Variants in HS2ST1 observed in about 807,000 individuals in gnomAD.
HS2ST1 encodes heparan sulfate 2-O-sulfotransferase 1.
In HS2ST1, 18 loss-of-function variants were observed where a neutral mutation model predicts 42.9. The ratio of observed to expected loss-of-function variants is 0.42; its 90% confidence interval spans 0.29 to 0.62. HS2ST1 has a LOEUF of 0.62. Ranked by LOEUF, HS2ST1 falls within the 20% of genes least tolerant of loss-of-function variation. The pLI is 0.21. For synonymous variants in HS2ST1, 146 were observed against 152.9 expected (o/e 0.95, Z 0.33); for missense variants, 334 against 433.8 (o/e 0.77, Z 2.04).
intron 1 of HS2ST1, among the ~76,000 whole-genome samples, chr1:86,925,637 A>G (rs138616302): frequency 3.3e-5 from 5 of 152,326 alleles, no homozygotes; most frequent in East Asian, 1.9e-4. Flanking sequence ...CTTATTCACT[A>G]TCATGAGAAC....
chr1:86,922,300 A>T (rs1229702077), intron 1 of HS2ST1, among the ~76,000 whole-genome samples: 1 of 151,734 alleles, frequency 6.6e-6, no homozygotes, highest in African/African-American at 2.4e-5. Context: ...TTACTTCTAT[A>T]CATGAGTCCT....
At chr1:87,055,363 C>A (rs552882905) in intron 1 of HS2ST1, among the ~76,000 whole-genome samples, 1 of 152,252 alleles carries the variant, frequency 6.6e-6, no homozygotes, top group Non-Finnish European at 1.5e-5. Flanking sequence ...GAGACAGTAC[C>A]TTAGCCACTT....
chr1:87,013,160 T>C (rs780684685), intron 1 of HS2ST1, among the ~76,000 whole-genome samples: 2 of 152,222 alleles, frequency 1.3e-5, no homozygotes, highest in Non-Finnish European at 2.9e-5. Flanking sequence ...GGACTCTGTA[T>C]AGGGGCTCCC....
At chr1:87,037,853 T>C (rs1455892735) in intron 1 of HS2ST1, among the ~76,000 whole-genome samples, 1 of 152,050 alleles carries the variant, frequency 6.6e-6, no homozygotes, top group Admixed American at 6.6e-5. Context: ...TTTTAACTGC[T>C]ATGTAGCATA....
At chr1:87,098,228 T>TG in intron 5 of HS2ST1, 1 of 93,724 alleles carries the variant, frequency 1.1e-5, no homozygotes, top group Non-Finnish European at 1.3e-5. Context: ...AGACTGGGGG[T>TG]GGGGGTGGGT....
chr1:86,959,013 A>C (rs1004564848), intron 1 of HS2ST1, among the ~76,000 whole-genome samples: 2 of 152,232 alleles, frequency 1.3e-5, no homozygotes, highest in African/African-American at 4.8e-5. Flanking sequence ...TAGATGCAGA[A>C]AAAGCATTTG....
chr1:87,007,929 C>CT (rs1242172892), intron 1 of HS2ST1, among the ~76,000 whole-genome samples: 1 of 152,044 alleles, frequency 6.6e-6, no homozygotes, highest in Non-Finnish European at 1.5e-5. Flanking sequence ...TGGTAAAAAT[C>CT]TATCTTCTTA....
Position 86,915,161 on chromosome 1 carries a change from G to A in HS2ST1, c.124+1G>A. 6.2e-7 allele frequency: 1 copy of A among 1,612,948 alleles called. No individual in the cohort carries two copies. The highest frequency in any genetic ancestry group is 8.5e-7 in the Non-Finnish European group (1 of 1,179,272). On this transcript the variant is annotated splice_donor_variant, in intron 1 of 6. Transcript: ENST00000370550. LOFTEE classifies it high-confidence loss of function. Reference sequence around the variant, plus strand: ...CTGGAGGAGTCCCGCTCGAAGCTAGGTGAGGAACTGAACTGCCCCGGGCTG... The same window carrying A: ...CTGGAGGAGTCCCGCTCGAAGCTAGATGAGGAACTGAACTGCCCCGGGCTG...
intron 1 of HS2ST1, among the ~76,000 whole-genome samples, chr1:86,982,383 T>C (rs1000895177): frequency 1.3e-4 from 20 of 152,214 alleles, no homozygotes; most frequent in South Asian, 2.1e-4. Flanking sequence ...AAAATGACTT[T>C]TTCTTTTCTA....
chr1:87,086,318 C>T (rs988206517), intron 3 of HS2ST1, among the ~76,000 whole-genome samples: 2 of 152,026 alleles, frequency 1.3e-5, no homozygotes, highest in Non-Finnish European at 2.9e-5. Flanking sequence ...ACGGGTTTCA[C>T]ATCTCTCAAG....
intron 1 of HS2ST1, among the ~76,000 whole-genome samples, chr1:87,033,834 GC>G (rs1158811927): frequency 1.2e-4 from 19 of 152,244 alleles, no homozygotes; most frequent in Middle Eastern, 3.4e-3. Flanking sequence ...GTGAGCCACC[GC>G]CCCCGGCCTT....
chr1:87,004,395 CA>C (rs1238567484), intron 1 of HS2ST1, among the ~76,000 whole-genome samples: 2 of 152,038 alleles, frequency 1.3e-5, no homozygotes, highest in Admixed American at 6.6e-5. Flanking sequence ...TGTCTCAAAA[CA>C]AATGAACAAA....
At chr1:87,058,453 T>G (rs1054200944) in intron 1 of HS2ST1, among the ~76,000 whole-genome samples, 5 of 149,932 alleles carry the variant, frequency 3.3e-5, no homozygotes, top group African/African-American at 7.4e-5. Flanking sequence ...TTTTGTTTTG[T>G]TTTTTTTTAA....
At chr1:87,001,011 A>G (rs1040359908) in intron 1 of HS2ST1, among the ~76,000 whole-genome samples, 10 of 152,222 alleles carry the variant, frequency 6.6e-5, no homozygotes, top group African/African-American at 2.2e-4. Flanking sequence ...CAGAAGCTTC[A>G]TCTTAAGTAT....
At chr1:86,927,121 C>T (rs747593493) in intron 1 of HS2ST1, among the ~76,000 whole-genome samples, 1 of 152,112 alleles carries the variant, frequency 6.6e-6, no homozygotes, top group African/African-American at 2.4e-5. Context: ...ATAAATAGTT[C>T]TGTTCAGAGG....
At chr1:87,065,909 A>G (rs1421886817) in intron 1 of HS2ST1, among the ~76,000 whole-genome samples, 1 of 152,074 alleles carries the variant, frequency 6.6e-6, no homozygotes, top group Non-Finnish European at 1.5e-5. Context: ...TTTTTATTTT[A>G]ACACTAGAAG....
At chr1:86,923,350 A>G (rs1435359860) in intron 1 of HS2ST1, among the ~76,000 whole-genome samples, 1 of 151,862 alleles carries the variant, frequency 6.6e-6, no homozygotes, top group Non-Finnish European at 1.5e-5. Context: ...AGCAAGTCAC[A>G]TCTTATGGTG....
intron 1 of HS2ST1, among the ~76,000 whole-genome samples, chr1:87,061,916 T>C (rs143436527): frequency 1.3e-5 from 2 of 151,830 alleles, no homozygotes; most frequent in Admixed American, 1.3e-4. Context: ...CCTATTCTTT[T>C]CTCTTTTTTT....
chr1:87,038,117 A>C (rs1198452770), intron 1 of HS2ST1, among the ~76,000 whole-genome samples: 1 of 152,012 alleles, frequency 6.6e-6, no homozygotes, highest in Non-Finnish European at 1.5e-5. Context: ...AACTTGTCAA[A>C]TTTTATTTAG....
Sources: gnomAD v4.1 joint callset for allele counts (sites outside exome capture counted in the v4.1 genomes callset) on GRCh38, gnomAD v4.1.1 for gene constraint, MANE v1.5 for transcripts, NCBI Gene and HGNC (gene_info 2026-07-23, HGNC 2026-07-21) for gene names.